The following SEMA3C variants were observed in gnomAD, a reference collection of about 807,000 sequenced individuals.
The protein encoded by SEMA3C is semaphorin-3C.
SEMA3C carries 47 observed loss-of-function variants against 89.4 expected under a neutral mutation model. The observed-to-expected ratio is 0.53, with a 90% CI of 0.42 to 0.67. The LOEUF (loss-of-function observed/expected upper bound fraction) is 0.67. Among genes scored for constraint, SEMA3C ranks in the 30% least tolerant of loss-of-function variants. The pLI is 0.00. For synonymous variants in SEMA3C, 310 were observed against 320.2 expected (o/e 0.97, Z 0.34); for missense variants, 839 against 929.1 (o/e 0.90, Z 1.26).
At chr7:80,906,447 C>CGTA (rs1409246946) in intron 2 of SEMA3C, among the ~76,000 whole-genome samples, 1 of 152,140 alleles carries the variant, frequency 6.6e-6, no homozygotes, top group Admixed American at 6.6e-5. Flanking sequence ...TCCTGCTACA[C>CGTA]ATTCCATCAG....
chr7:80,836,986 T>A (rs965052943), intron 2 of SEMA3C, among the ~76,000 whole-genome samples: 1 of 152,170 alleles, frequency 6.6e-6, no homozygotes, highest in African/African-American at 2.4e-5. Flanking sequence ...TTAGTAAAAA[T>A]TTCAAAATTT....
chr7:80,921,090 C>A (rs1313410659), upstream of SEMA3C, among the ~76,000 whole-genome samples: 5 of 152,238 alleles, frequency 3.3e-5, no homozygotes, highest in East Asian at 9.7e-4. Flanking sequence ...GGTGTATTTA[C>A]AAAGGAGCTT....
chr7:80,753,185 C>A (rs1451054024), intron 15 of SEMA3C, among the ~76,000 whole-genome samples: 1 of 152,078 alleles, frequency 6.6e-6, no homozygotes, highest in East Asian at 1.9e-4. Flanking sequence ...TCTGTACACA[C>A]GAAAACAGTG....
intron 12 of SEMA3C, among the ~76,000 whole-genome samples, chr7:80,781,282 C>T (rs1196522511): frequency 1.3e-5 from 2 of 152,266 alleles, no homozygotes; most frequent in East Asian, 1.9e-4. Context: ...TCCCCAGTTC[C>T]AGAGATTAGG....
At chr7:80,772,872 T>G (rs1183333138) in intron 12 of SEMA3C, among the ~76,000 whole-genome samples, 1 of 152,092 alleles carries the variant, frequency 6.6e-6, no homozygotes, top group Non-Finnish European at 1.5e-5. Context: ...ATACAAACAG[T>G]TTCTCAGAGT....
intron 12 of SEMA3C, among the ~76,000 whole-genome samples, chr7:80,779,625 C>T (rs139017273): frequency 2.0e-5 from 3 of 152,260 alleles, no homozygotes; most frequent in East Asian, 3.9e-4. Flanking sequence ...TCTACATCAT[C>T]GTGAAAATGA....
intron 2 of SEMA3C, among the ~76,000 whole-genome samples, chr7:80,860,976 A>C (rs530962616): frequency 7.2e-5 from 11 of 152,320 alleles, no homozygotes; most frequent in Non-Finnish European, 1.2e-4. Flanking sequence ...GTGTGACTTT[A>C]AATCAAAGGC....
At chr7:80,899,761 T>C (rs1396030960) in intron 2 of SEMA3C, among the ~76,000 whole-genome samples, 1 of 152,144 alleles carries the variant, frequency 6.6e-6, no homozygotes, top group Non-Finnish European at 1.5e-5. Flanking sequence ...AAATGAGAAA[T>C]AAAGACTGTC....
chr7:80,834,623 A>G (rs1017189241), intron 2 of SEMA3C, among the ~76,000 whole-genome samples: 3 of 152,196 alleles, frequency 2.0e-5, no homozygotes, highest in Non-Finnish European at 4.4e-5. Flanking sequence ...TAACTAAGTC[A>G]CGAAGAATCT....
chr7:80,766,055 T>C (rs953218933), intron 12 of SEMA3C, among the ~76,000 whole-genome samples: 1 of 152,226 alleles, frequency 6.6e-6, no homozygotes, highest in Non-Finnish European at 1.5e-5. Flanking sequence ...AATTCACATT[T>C]GGTCTGTAAC....
chr7:80,885,520 G>A (rs1402315812), intron 2 of SEMA3C, among the ~76,000 whole-genome samples: 1 of 152,140 alleles, frequency 6.6e-6, no homozygotes, highest in Non-Finnish European at 1.5e-5. Context: ...GGGAGGCTGA[G>A]GTGTGAGGAT....
intron 2 of SEMA3C, among the ~76,000 whole-genome samples, chr7:80,849,592 G>T (rs562596751): frequency 1.6e-4 from 25 of 152,178 alleles, no homozygotes; most frequent in African/African-American, 5.3e-4. Context: ...TATAAGTGAG[G>T]GTACAGAGTA....
At chr7:80,748,062 C>A (rs1787839656) in intron 17 of SEMA3C, among the ~76,000 whole-genome samples, 1 of 152,124 alleles carries the variant, frequency 6.6e-6, no homozygotes, top group Non-Finnish European at 1.5e-5. Context: ...TTGCCCACAA[C>A]AGAAGAATAC....
intron 2 of SEMA3C, among the ~76,000 whole-genome samples, chr7:80,879,128 C>A (rs1252645655): frequency 1.3e-5 from 2 of 151,840 alleles, no homozygotes; most frequent in Admixed American, 6.6e-5. Context: ...ATACCAGATA[C>A]AGAAATGCAG....
intron 12 of SEMA3C, among the ~76,000 whole-genome samples, chr7:80,778,014 T>C (rs191800012): frequency 8.1e-4 from 124 of 152,272 alleles, no homozygotes; most frequent in Non-Finnish European, 1.4e-3. Flanking sequence ...TCAAAAAGTG[T>C]TTAATAAGTT....
chr7:80,840,452 G>A (rs1266921555), intron 2 of SEMA3C, among the ~76,000 whole-genome samples: 1 of 142,628 alleles, frequency 7.0e-6, no homozygotes, highest in Non-Finnish European at 1.5e-5. Context: ...ATGGGAGGTA[G>A]AAGCTGCAGC....
chr7:80,902,358 G>A (rs1222094580), intron 2 of SEMA3C, among the ~76,000 whole-genome samples: 1 of 152,026 alleles, frequency 6.6e-6, no homozygotes, highest in Non-Finnish European at 1.5e-5. Context: ...GTTTATTACT[G>A]ACCTGTCCAT....
rs886918523 is a variant in SEMA3C, at chr7:80,789,326, T to C, written c.1334A>G (p.His445Arg). The C allele has an allele frequency of 2.5e-6, 4 of 1,613,620 alleles. No homozygotes were observed. In the African/African-American group the frequency reaches 5.3e-5, roughly 22 times the overall value. ...TTTACCTGTTCCGAGAAACAGGACA[T>C]GGTATCTCCCATCAGCAGCGTTCAC... is the stretch of plus-strand genomic sequence containing the variant. ...DRVNAADGRY[H>R]VLFLGTDRGT... is the part of the protein sequence containing the mutation. Residue 445 changes from histidine (H) to arginine (R), a missense_variant, in exon 12 of 18, where the codon CAT (histidine) becomes CGT (arginine). Transcript: ENST00000265361.
At chr7:80,835,394 T>C (rs1022664414) in intron 2 of SEMA3C, among the ~76,000 whole-genome samples, 1 of 152,150 alleles carries the variant, frequency 6.6e-6, no homozygotes, top group African/African-American at 2.4e-5. Flanking sequence ...TCAGGCAGAA[T>C]GCACATCTAC....
Sources: allele counts gnomAD v4.1 joint callset (sites outside exome capture counted in the v4.1 genomes callset), GRCh38; gene constraint gnomAD v4.1.1; transcripts MANE v1.5; gene names NCBI Gene and HGNC (gene_info 2026-07-23, HGNC 2026-07-21).